Variants in CCDC125 observed in about 807,000 individuals in gnomAD.
The protein encoded by CCDC125 is coiled-coil domain containing 125, also known as coiled-coil domain-containing protein 125.
CCDC125 carries 43 observed loss-of-function variants against 57.4 expected under a neutral mutation model. The ratio of observed to expected loss-of-function variants is 0.75; its 90% confidence interval spans 0.59 to 0.97. CCDC125 has a LOEUF of 0.97. CCDC125 is among the 50% of genes least tolerant of loss of function. The pLI is 0.00. For missense variants in CCDC125, 563 were observed against 595.7 expected (o/e 0.95, Z 0.57); for synonymous variants, 187 against 195.2 (o/e 0.96, Z 0.35).
chr5:69,303,845 A>T lies in CCDC125; in HGVS notation c.700+2T>A. On this transcript the variant is annotated splice_donor_variant, in intron 7 of 11. Transcript: ENST00000396496. LOFTEE classifies it high-confidence loss of function. ...TGCTCTTAATACAAAAATCATCATT[A>T]CCTGCATTGTCAGACTTCAGCATTT... The T allele has an allele frequency of 6.5e-7, 1 of 1,550,170 alleles. No homozygotes were observed. Among genetic ancestry groups the T allele is most frequent in the Non-Finnish European group, 8.8e-7 (1 of 1,130,874 alleles).
chr5:69,283,119 C>G (rs1752686922), intron 11 of CCDC125, 85 bp from the exon 12 acceptor site: 2 of 1,099,750 alleles, frequency 1.8e-6, no homozygotes, highest in African/African-American at 3.2e-5. Context: ...ACTATTTTAT[C>G]AAGTTATTCA....
intron 2 of CCDC125, among the ~76,000 whole-genome samples, chr5:69,318,825 C>T (rs574969535): frequency 2.6e-4 from 39 of 151,946 alleles, no homozygotes; most frequent in South Asian, 8.3e-4. Flanking sequence ...CTTACAGAAG[C>T]CTTCCTAACC....
rs763236362 is a variant in CCDC125 at position 69,294,832 on chromosome 5, T to G, written c.885A>C (p.Ala295=). Residue 295 remains alanine (A), a synonymous_variant, in exon 9 of 12, where the codon GCA becomes GCC. Coordinates refer to ENST00000396496, the MANE Select transcript of CCDC125 (RefSeq NM_176816.5). The part of the protein sequence containing the change: ...GGNPCSCARM[A]ASTRKLLLQL... ...GAAGAAGCAGTTTCCGAGTGGATGC[T>G]GCCATTCTGGCACAAGAACAGGGGT... The G allele has an allele frequency of 3.1e-6, 5 of 1,614,104 alleles. No individual in the cohort carries two copies. The African/African-American group carries it at 6.7e-5, about 22-fold the overall frequency.
chr5:69,308,087 T>A, intron 4 of CCDC125, 59 bp from the exon 5 acceptor site: 1 of 1,135,564 alleles, frequency 8.8e-7, no homozygotes, highest in Non-Finnish European at 1.3e-6. Context: ...CCTATGTACA[T>A]CATGAAGTTC....
intron 5 of CCDC125, 60 bp downstream of exon 5, chr5:69,307,891 G>T: frequency 7.5e-7 from 1 of 1,333,072 alleles, no homozygotes; most frequent in Non-Finnish European, 1.1e-6. Context: ...GGTGAGTTTA[G>T]GGAAATTATA....
chr5:69,279,350 C>T (rs1425765143), downstream of CCDC125, among the ~76,000 whole-genome samples: 2 of 152,032 alleles, frequency 1.3e-5, no homozygotes, highest in African/African-American at 4.8e-5. Context: ...GTGCCCGCCA[C>T]CACGCCCAGC....
At chr5:69,275,064 C>CAA in the CCDC125 span, among the ~76,000 whole-genome samples, 18,020 of 106,870 alleles carry the variant, frequency 0.17, 1,555 homozygotes, top group African/African-American at 0.29. Context: ...ACTCTGTATC[C>CAA]AAAAAAAAAA....
At chr5:69,319,711 G>A (rs1759713542) in intron 2 of CCDC125, among the ~76,000 whole-genome samples, 1 of 151,576 alleles carries the variant, frequency 6.6e-6, no homozygotes, top group Admixed American at 6.6e-5. Flanking sequence ...TCGATCTCTT[G>A]ACCTTGTGAT....
rs1311038663 is a variant in CCDC125 at position 69,281,510 on chromosome 5, T to C, written c.*1219A>G. 6.6e-6 allele frequency: 1 copy of C among 152,162 alleles called. No homozygotes were observed. Among genetic ancestry groups the C allele is most frequent in the Non-Finnish European group, 1.5e-5 (1 of 68,038 alleles). The allele number at this position is 152,162 out of a possible 1,614,324, so 9.4% of individuals were successfully genotyped here. A position where few individuals can be genotyped will look rare whatever the true frequency, so the allele number is the denominator to read the frequency against. On this transcript the variant is annotated 3_prime_UTR_variant, in exon 12 of 12. Coordinates refer to ENST00000396496, the MANE Select transcript of CCDC125 (RefSeq NM_176816.5). ...AGCACTTTGTAGACTTGGCTACAAA[T>C]CTGTGCAGATTTGGTTGCAAAATGT...
At chr5:69,313,601 C>G in intron 3 of CCDC125, 3 of 731,878 alleles carry the variant, frequency 4.1e-6, no homozygotes, top group Non-Finnish European at 5.1e-6. Flanking sequence ...CTCTCTTGGT[C>G]TCATAGGTTG....
At chr5:69,273,942 C>T in the CCDC125 span, among the ~76,000 whole-genome samples, 1 of 152,040 alleles carries the variant, frequency 6.6e-6, no homozygotes, top group African/African-American at 2.4e-5. Flanking sequence ...TAGGTATATG[C>T]TGGGTATTTA....
intron 6 of CCDC125, among the ~76,000 whole-genome samples, chr5:69,305,244 C>T (rs142076212): frequency 1.3e-5 from 2 of 152,058 alleles, no homozygotes; most frequent in East Asian, 1.9e-4. Context: ...TACAAGGTCT[C>T]GCTCTGTCAT....
At chr5:69,329,947 T>C (rs1202266451) in intron 1 of CCDC125, among the ~76,000 whole-genome samples, 1 of 152,236 alleles carries the variant, frequency 6.6e-6, no homozygotes, top group Non-Finnish European at 1.5e-5. Flanking sequence ...GTAGGATGAA[T>C]AGATTACAGT....
Position 69,315,378 on chromosome 5 carries a change from A to G in CCDC125, c.305-1332T>C, listed in dbSNP as rs1232828416. The stretch of plus-strand genomic sequence containing the variant: ...AGGAGTTTAAGACCAGCCTGTCTAC[A>G]TGGTGAAACCCTGTCTCTACTAAAA... On this transcript the variant is annotated intron_variant, in intron 2 of 11. Coordinates refer to ENST00000396496, the MANE Select transcript of CCDC125 (RefSeq NM_176816.5). 2.0e-5 allele frequency among the ~76,000 whole-genome samples: 3 copies of G among 148,970 alleles called. No individual in the cohort carries two copies. In the Admixed American group the frequency reaches 2.0e-4, roughly 10 times the overall value.
chr5:69,312,813 A>G (rs1372638107), intron 3 of CCDC125, among the ~76,000 whole-genome samples: 2 of 152,210 alleles, frequency 1.3e-5, no homozygotes, highest in Non-Finnish European at 2.9e-5. Context: ...CAGATTTGGT[A>G]CCATTTAAAC....
intron 2 of CCDC125, among the ~76,000 whole-genome samples, chr5:69,316,705 G>T (rs1759166764): frequency 6.6e-6 from 1 of 152,036 alleles, no homozygotes; most frequent in African/African-American, 2.4e-5. Context: ...GTGGAGTGTG[G>T]TCTTTCTATG....
At chr5:69,305,048 C>A (rs1217623348) in intron 6 of CCDC125, among the ~76,000 whole-genome samples, 14 of 149,464 alleles carry the variant, frequency 9.4e-5, no homozygotes, top group East Asian at 2.0e-4. Flanking sequence ...AAAAAAAAAA[C>A]CAACAAAGTA....
intron 8 of CCDC125, among the ~76,000 whole-genome samples, chr5:69,298,802 A>G (rs916800862): frequency 6.6e-6 from 1 of 152,136 alleles, no homozygotes. Flanking sequence ...TTTTGCTATT[A>G]TACTAGTTTT....
intron 10 of CCDC125, among the ~76,000 whole-genome samples, chr5:69,291,410 A>G (rs951507766): frequency 3.5e-4 from 53 of 151,352 alleles, no homozygotes; most frequent in Non-Finnish European, 7.4e-4. Flanking sequence ...CGCCCAGTGC[A>G]GTGGCGCGAT....
Sources: gnomAD v4.1 joint callset for allele counts (sites outside exome capture counted in the v4.1 genomes callset) on GRCh38, gnomAD v4.1.1 for gene constraint, MANE v1.5 for transcripts, NCBI Gene and HGNC (gene_info 2026-07-23, HGNC 2026-07-21) for gene names.